DNAJC10: variants seen among roughly 807,000 people sequenced by gnomAD.
DNAJC10 encodes the protein DnaJ heat shock protein family (Hsp40) member C10.
DNAJC10 carries 101 observed loss-of-function variants against 115.0 expected under a neutral mutation model. The ratio of observed to expected loss-of-function variants is 0.88; its 90% CI spans 0.75 to 1.04. DNAJC10 has a LOEUF of 1.04. DNAJC10 is among the 50% of genes least tolerant of loss of function. The probability of loss-of-function intolerance (pLI) is 0.00; values close to 1 mark genes in which losing one functional copy is unlikely to be tolerated. For synonymous variants in DNAJC10, 307 were observed against 301.5 expected (o/e 1.02, Z -0.19); for missense variants, 981 against 928.8 (o/e 1.06, Z -0.73).
At chr2:182,761,239 G>A (rs1394184689) in intron 21 of DNAJC10, among the ~76,000 whole-genome samples, 1 of 152,170 alleles carries the variant, frequency 6.6e-6, no homozygotes, top group East Asian at 1.9e-4. Flanking sequence ...AAGGGTGTCA[G>A]TGATGCCAGA....
At chr2:182,751,020 G>C (rs1020103866) in intron 14 of DNAJC10, among the ~76,000 whole-genome samples, 10 of 151,718 alleles carry the variant, frequency 6.6e-5, no homozygotes, top group African/African-American at 2.4e-4. Context: ...AAATGATTTA[G>C]GAGTTAGGCC....
chr2:182,728,815 A>G lies in DNAJC10; in HGVS notation c.502-48A>G, dbSNP rs375770533. 5.6e-6 allele frequency: 9 copies of G among 1,607,356 alleles called. No individual in the cohort carries two copies. In the East Asian group the frequency reaches 1.8e-4, roughly 32 times the overall value. ...ATATAGCTTGGAGTGTGTTCAAGGGAAGAAAAGTGGTCTTATCAGAGAAAT... is the reference window on the plus strand; with the variant it reads ...ATATAGCTTGGAGTGTGTTCAAGGGGAGAAAAGTGGTCTTATCAGAGAAAT... On this transcript the variant is annotated intron_variant, in intron 6 of 23. Coordinates refer to ENST00000264065, the MANE Select transcript of DNAJC10 (RefSeq NM_018981.4).
chr2:182,788,630 G>A lies in DNAJC10; in HGVS notation c.*11498G>A. The A allele has an allele frequency of 3.2e-6, 1 of 313,904 alleles. No individual in the cohort carries two copies. The highest frequency in any genetic ancestry group is 6.2e-6 in the Non-Finnish European group (1 of 160,606). The allele number at this position is 313,904 out of a possible 1,614,324, so 19.4% of individuals were successfully genotyped here. A position where few individuals can be genotyped will look rare whatever the true frequency, so the allele number is the denominator to read the frequency against. On this transcript the variant is annotated 3_prime_UTR_variant, in exon 24 of 24. Transcript: ENST00000264065. Reference sequence around the variant, plus strand: ...GTTGTAGCAATACGTCCGTCTGTAAGTGATGGTCATATTTGTGTTCTTTTG... The same window carrying A: ...GTTGTAGCAATACGTCCGTCTGTAAATGATGGTCATATTTGTGTTCTTTTG...
intron 11 of DNAJC10, among the ~76,000 whole-genome samples, chr2:182,738,411 C>T (rs1693640061): frequency 6.6e-6 from 1 of 152,060 alleles, no homozygotes; most frequent in African/African-American, 2.4e-5. Flanking sequence ...AATCTCTGGG[C>T]TTCATGATAG....
At chr2:182,733,781 TCAGA>T (rs1466748375) in intron 10 of DNAJC10, among the ~76,000 whole-genome samples, 2 of 90,270 alleles carry the variant, frequency 2.2e-5, no homozygotes, top group Non-Finnish European at 5.1e-5. Flanking sequence ...CCAATCTCTC[TCAGA>T]TAGATAGATA....
intron 11 of DNAJC10, chr2:182,739,907 G>A (rs1693688435): frequency 2.0e-6 from 2 of 985,766 alleles, no homozygotes; most frequent in African/African-American, 3.5e-5. Context: ...AAGTGAATGT[G>A]TAAAACATTG....
intron 4 of DNAJC10, 70 bp downstream of exon 4, chr2:182,720,239 C>A: frequency 1.6e-6 from 2 of 1,285,480 alleles, no homozygotes; most frequent in Non-Finnish European, 2.2e-6. Context: ...TCTGTTTCAC[C>A]ACTTAGCTTA....
At chr2:182,763,108 C>T (rs1694327165) in intron 22 of DNAJC10, among the ~76,000 whole-genome samples, 1 of 152,010 alleles carries the variant, frequency 6.6e-6, no homozygotes, top group Non-Finnish European at 1.5e-5. Flanking sequence ...AGGTAATTTT[C>T]TACTTTTCTG....
rs1695105507 is a variant in DNAJC10, at chr2:182,794,344, C to A, written c.*17212C>A. ...CAGATTCTCTCCTTTGCATGATGACCACATTAAACTTACAGAGTAAGAAAT... is the reference window on the plus strand; with the variant it reads ...CAGATTCTCTCCTTTGCATGATGACAACATTAAACTTACAGAGTAAGAAAT... On this transcript the variant is annotated 3_prime_UTR_variant, in exon 24 of 24. Coordinates refer to ENST00000264065, the MANE Select transcript of DNAJC10 (RefSeq NM_018981.4). The A allele has an allele frequency of 6.6e-6, 1 of 151,868 alleles. No individual in the cohort carries two copies. The highest frequency in any genetic ancestry group is 6.6e-5 in the Admixed American group (1 of 15,242). 9.4% of individuals were successfully genotyped at this position (151,868 alleles called of 1,614,324 possible). A position where few individuals can be genotyped will look rare whatever the true frequency, so the allele number is the denominator to read the frequency against.
chr2:182,730,973 C>A, intron 8 of DNAJC10, 57 bp from the exon 9 acceptor site: 1 of 1,165,798 alleles, frequency 8.6e-7, no homozygotes, highest in African/African-American at 1.5e-5. Flanking sequence ...AAGACTGTTT[C>A]CATTAGTAAA....
chr2:182,783,445 AT>A lies in DNAJC10; in HGVS notation c.*6314del, dbSNP rs1266551477. On this transcript the variant is annotated 3_prime_UTR_variant, in exon 24 of 24. Coordinates refer to ENST00000264065, the MANE Select transcript of DNAJC10 (RefSeq NM_018981.4). ...AAATACATATACACACACAAAAAAAATATTTCAGCAGCCACTGCCAACTGAA... is the reference window on the plus strand; with the variant it reads ...AAATACATATACACACACAAAAAAAAATTTCAGCAGCCACTGCCAACTGAA... 4 of 152,212 alleles carry A rather than the reference AT, an allele frequency of 2.6e-5. No homozygotes were observed. The highest frequency in any genetic ancestry group is 4.8e-5 in the African/African-American group (2 of 41,456). 9.4% of individuals were successfully genotyped at this position (152,212 alleles called of 1,614,324 possible).
rs1694948332 is a variant in DNAJC10 at position 182,786,445 on chromosome 2, G to A, written c.*9313G>A. 1 of 152,148 alleles carries A rather than the reference G, an allele frequency of 6.6e-6. No individual in the cohort carries two copies. Among genetic ancestry groups the A allele is most frequent in the Admixed American group, 6.5e-5 (1 of 15,278 alleles). The allele number at this position is 152,148 out of a possible 1,614,324, so 9.4% of individuals were successfully genotyped here. On this transcript the variant is annotated 3_prime_UTR_variant, in exon 24 of 24. Coordinates refer to ENST00000264065, the MANE Select transcript of DNAJC10 (RefSeq NM_018981.4). ...CACTGAGGTCATAATACTGAATTCTGAAATGGAAATAATTGACTAGAGATT... is the reference window on the plus strand; with the variant it reads ...CACTGAGGTCATAATACTGAATTCTAAAATGGAAATAATTGACTAGAGATT...
At position 182,786,837 on chromosome 2, in the gene DNAJC10, C is replaced by T. The variant is rs1228703528; in HGVS notation, c.*9705C>T. 1 of 152,216 alleles carries T rather than the reference C, an allele frequency of 6.6e-6. No individual in the cohort carries two copies. Among genetic ancestry groups the T allele is most frequent in the East Asian group, 1.9e-4 (1 of 5,200 alleles). The allele number at this position is 152,216 out of a possible 1,614,324, so 9.4% of individuals were successfully genotyped here. A position where few individuals can be genotyped will look rare whatever the true frequency, so the allele number is the denominator to read the frequency against. ...CCCTAAAATTATGTTGAAATCCTAA[C>T]CCCCAAGGTAATGGTATTAGGAATG... On this transcript the variant is annotated 3_prime_UTR_variant, in exon 24 of 24. Coordinates refer to ENST00000264065, the MANE Select transcript of DNAJC10 (RefSeq NM_018981.4).
intron 13 of DNAJC10, 50 bp from the exon 14 acceptor site, chr2:182,743,548 C>T: frequency 1.5e-6 from 2 of 1,339,828 alleles, no homozygotes; most frequent in South Asian, 2.4e-5. Flanking sequence ...ATTTACAAAT[C>T]AAATGGGTAA....
chr2:182,724,498 A>G (rs1352408621), intron 5 of DNAJC10, among the ~76,000 whole-genome samples: 1 of 152,216 alleles, frequency 6.6e-6, no homozygotes, highest in Non-Finnish European at 1.5e-5. Flanking sequence ...CAGAAATTAC[A>G]GTAAGACATT....
chr2:182,741,444 A>C (rs1329754278), intron 13 of DNAJC10, 88 bp downstream of exon 13: 2 of 605,314 alleles, frequency 3.3e-6, no homozygotes, highest in Admixed American at 3.9e-5. Context: ...TAACATAAAA[A>C]CTCTTATTTG....
At chr2:182,762,173 A>G (rs979747220) in intron 21 of DNAJC10, among the ~76,000 whole-genome samples, 3 of 119,690 alleles carry the variant, frequency 2.5e-5, no homozygotes, top group African/African-American at 1.0e-4. Flanking sequence ...AAAAAAAAAG[A>G]GAGAGAGCGT....
At chr2:182,731,764 G>T (rs943759598) in intron 9 of DNAJC10, among the ~76,000 whole-genome samples, 1 of 152,112 alleles carries the variant, frequency 6.6e-6, no homozygotes, top group Non-Finnish European at 1.5e-5. Context: ...AAAAGGTACT[G>T]CCTTGTAACT....
chr2:182,746,988 A>G (rs1239074450), intron 14 of DNAJC10, among the ~76,000 whole-genome samples: 1 of 151,940 alleles, frequency 6.6e-6, no homozygotes, highest in African/African-American at 2.4e-5. Flanking sequence ...TAAATAGGGA[A>G]TCCTTTCCCC....
Sources: allele counts gnomAD v4.1 joint callset (sites outside exome capture counted in the v4.1 genomes callset), GRCh38; gene constraint gnomAD v4.1.1; transcripts MANE v1.5; gene names NCBI Gene and HGNC (gene_info 2026-07-23, HGNC 2026-07-21).